Variants in CHCHD6 observed in about 807,000 individuals in gnomAD.
CHCHD6 encodes MICOS complex subunit MIC25.
CHCHD6 carries 28 observed loss-of-function variants against 32.3 expected under a neutral mutation model. That is an observed-to-expected ratio of 0.87 (90% CI 0.64 to 1.19). The LOEUF (loss-of-function observed/expected upper bound fraction) is 1.19, where lower values mean the gene tolerates loss of function less well. Among genes scored for constraint, CHCHD6 ranks in the 50% most tolerant of loss-of-function variants. The pLI is 0.00. For missense variants in CHCHD6, 333 were observed against 307.0 expected, an observed-to-expected ratio of 1.08 and a Z score of -0.63; for synonymous variants, 122 against 117.5, an observed-to-expected ratio of 1.04 and a Z score of -0.25.
At chr3:126,751,733 G>T (rs1017124598) in intron 4 of CHCHD6, among the ~76,000 whole-genome samples, 2 of 152,118 alleles carry the variant, frequency 1.3e-5, no homozygotes, top group Non-Finnish European at 2.9e-5. Flanking sequence ...GGTTGCCTGG[G>T]GTCGAATCCT....
At chr3:126,825,920 G>A (rs951958070) in intron 4 of CHCHD6, among the ~76,000 whole-genome samples, 1 of 152,136 alleles carries the variant, frequency 6.6e-6, no homozygotes, top group Non-Finnish European at 1.5e-5. Context: ...TTTCTTTCTA[G>A]CAATTCTGTG....
rs150541687 is a variant in CHCHD6 at position 126,958,712 on chromosome 3, C to G, written c.702+1161C>G. Reference sequence around the variant, plus strand: ...GGATGAGTGGTCGCAAGGCCTCTGTCAGCCTTCCAAGAGAGGGAAGCCCTG... The same window carrying G: ...GGATGAGTGGTCGCAAGGCCTCTGTGAGCCTTCCAAGAGAGGGAAGCCCTG... On this transcript the variant is annotated intron_variant, in intron 7 of 7. Transcript: ENST00000290913. 2.9e-3 allele frequency among the ~76,000 whole-genome samples: 438 copies of G among 152,368 alleles called. 3 individuals are homozygous for G. The highest frequency in any genetic ancestry group is 0.01 in the African/African-American group (419 of 41,590).
At chr3:126,862,009 T>G (rs984024148) in intron 5 of CHCHD6, among the ~76,000 whole-genome samples, 1 of 3,466 alleles carries the variant, frequency 2.9e-4, no homozygotes, top group Non-Finnish European at 5.4e-4. Context: ...CATCACCACC[T>G]CCCCCTCCTC....
chr3:126,713,912 C>A (rs1934880268), intron 1 of CHCHD6, among the ~76,000 whole-genome samples: 1 of 151,408 alleles, frequency 6.6e-6, no homozygotes, highest in Admixed American at 6.6e-5. Flanking sequence ...CCTGTCTCTA[C>A]TAAAAATACA....
At chr3:126,734,886 C>T (rs1935972554) in intron 4 of CHCHD6, among the ~76,000 whole-genome samples, 1 of 152,108 alleles carries the variant, frequency 6.6e-6, no homozygotes, top group Non-Finnish European at 1.5e-5. Context: ...CTCAAAGTAG[C>T]CCGCATCGAT....
intron 4 of CHCHD6, among the ~76,000 whole-genome samples, chr3:126,809,349 G>A (rs1939557651): frequency 6.6e-6 from 1 of 152,194 alleles, no homozygotes; most frequent in African/African-American, 2.4e-5. Flanking sequence ...CTTCAGGATT[G>A]TACTGGTAGA....
intron 4 of CHCHD6, chr3:126,767,355 A>G (rs777544748): frequency 2.1e-5 from 17 of 826,962 alleles, no homozygotes; most frequent in Non-Finnish European, 3.2e-5. Context: ...TTCTGCCCAC[A>G]TGCTGCAGAC....
chr3:126,882,739 C>G (rs774062968), intron 5 of CHCHD6, among the ~76,000 whole-genome samples: 5 of 152,194 alleles, frequency 3.3e-5, no homozygotes, highest in East Asian at 1.9e-4. Context: ...AGAGCCAGGA[C>G]GCTCCTTGTA....
At chr3:126,934,073 A>G (rs571742708) in intron 6 of CHCHD6, among the ~76,000 whole-genome samples, 15 of 152,318 alleles carry the variant, frequency 9.8e-5, no homozygotes, top group Admixed American at 2.6e-4. Flanking sequence ...GAGAACCTGG[A>G]TTGAGCTCAC....
intron 4 of CHCHD6, among the ~76,000 whole-genome samples, chr3:126,753,926 A>T (rs963899207): frequency 6.6e-6 from 1 of 152,122 alleles, no homozygotes; most frequent in Admixed American, 6.5e-5. Flanking sequence ...GAGGAAAGGG[A>T]TTGCCAGGCT....
chr3:126,955,246 G>A (rs891999632), intron 6 of CHCHD6, among the ~76,000 whole-genome samples: 10 of 152,268 alleles, frequency 6.6e-5, no homozygotes, highest in African/African-American at 9.6e-5. Context: ...CACCCCAGCT[G>A]TATTCTTGCC....
intron 5 of CHCHD6, among the ~76,000 whole-genome samples, chr3:126,873,236 C>T (rs2077499987): frequency 6.6e-6 from 1 of 152,182 alleles, no homozygotes; most frequent in Admixed American, 6.5e-5. Context: ...GACCGCAGGC[C>T]TATTTGCTCT....
chr3:126,878,711 G>A (rs1341200277), intron 5 of CHCHD6, among the ~76,000 whole-genome samples: 2 of 152,210 alleles, frequency 1.3e-5, no homozygotes, highest in Non-Finnish European at 2.9e-5. Flanking sequence ...TGAAGCTATT[G>A]GATGAAAGAT....
rs554179161 is a variant in CHCHD6, at chr3:126,764,600, C to T, written c.411+31378C>T. 5.9e-5 allele frequency among the ~76,000 whole-genome samples: 9 copies of T among 152,288 alleles called. No homozygotes were observed. In the East Asian group the frequency reaches 9.7e-4, roughly 16 times the overall value. ...GGCTGCCAGGTTTACATGAGGCTGC[C>T]GGAAGATCTAAGTGCAGCTCCGCCC... On this transcript the variant is annotated intron_variant, in intron 4 of 7. Coordinates refer to ENST00000290913, the MANE Select transcript of CHCHD6 (RefSeq NM_032343.3).
At chr3:126,732,716 G>A (rs1228675535) in intron 3 of CHCHD6, among the ~76,000 whole-genome samples, 1 of 152,202 alleles carries the variant, frequency 6.6e-6, no homozygotes, top group Admixed American at 6.5e-5. Context: ...CAAAACAGAG[G>A]ACTACTACCA....
chr3:126,816,642 AG>A (rs1357706848), intron 4 of CHCHD6, among the ~76,000 whole-genome samples: 11 of 152,160 alleles, frequency 7.2e-5, no homozygotes, highest in Non-Finnish European at 2.9e-5. Context: ...ATGTACCTGC[AG>A]TGTTGGGGAG....
At chr3:126,803,741 C>T (rs1043231466) in intron 4 of CHCHD6, among the ~76,000 whole-genome samples, 3 of 152,190 alleles carry the variant, frequency 2.0e-5, no homozygotes, top group Admixed American at 2.0e-4. Context: ...ACTCTCCACC[C>T]CAGATCAACG....
chr3:126,937,319 A>G lies in CHCHD6; in HGVS notation c.567-20097A>G, dbSNP rs546114790. Reference sequence around the variant, plus strand: ...ACTTCCATGCTAACTTGGAGAGTCTAAGATTCTGAGGGACCAGGAAGAAGC... The same window carrying G: ...ACTTCCATGCTAACTTGGAGAGTCTGAGATTCTGAGGGACCAGGAAGAAGC... On this transcript the variant is annotated intron_variant, in intron 6 of 7. Transcript: ENST00000290913. Among the ~76,000 whole-genome samples the G allele has an allele frequency of 1.1e-4, 17 of 152,346 alleles. No individual in the cohort carries two copies. In the South Asian group the frequency reaches 3.3e-3, roughly 30 times the overall value.
At chr3:126,822,970 A>T (rs1940216288) in intron 4 of CHCHD6, among the ~76,000 whole-genome samples, 1 of 152,028 alleles carries the variant, frequency 6.6e-6, no homozygotes. Context: ...CGGTGGCATG[A>T]CTGTGGCTCA....
Sources: allele counts gnomAD v4.1 joint callset (sites outside exome capture counted in the v4.1 genomes callset), GRCh38; gene constraint gnomAD v4.1.1; transcripts MANE v1.5; gene names NCBI Gene and HGNC (gene_info 2026-07-23, HGNC 2026-07-21).